Variants in SPATA16 observed in about 807,000 individuals in gnomAD.
SPATA16 encodes spermatogenesis associated 16.
Under a neutral mutation model 63.3 loss-of-function variants are expected in SPATA16, and 36 were observed. That is an observed-to-expected ratio of 0.57 (90% CI 0.44 to 0.75). SPATA16 has a LOEUF of 0.75. Among genes scored for constraint, SPATA16 ranks in the 30% least tolerant of loss-of-function variants. SPATA16 has a pLI of 0.00. For missense variants in SPATA16, 646 were observed against 679.3 expected, an observed-to-expected ratio of 0.95 and a Z score of 0.54; for synonymous variants, 203 against 216.7, an observed-to-expected ratio of 0.94 and a Z score of 0.56.
chr3:172,931,898 A>G (rs1732880089), intron 6 of SPATA16, among the ~76,000 whole-genome samples: 1 of 152,216 alleles, frequency 6.6e-6, no homozygotes, highest in South Asian at 2.1e-4. Context: ...TGGAAAAATT[A>G]GTTTTATAGT....
intron 5 of SPATA16, among the ~76,000 whole-genome samples, chr3:172,969,014 T>C (rs1733981587): frequency 6.6e-6 from 1 of 152,214 alleles, no homozygotes; most frequent in Non-Finnish European, 1.5e-5. Context: ...TGTCTTCTAA[T>C]TGAAAAATAT....
intron 3 of SPATA16, among the ~76,000 whole-genome samples, 188 bp from the exon 4 acceptor site, chr3:173,019,763 A>G (rs967704928): frequency 3.3e-5 from 5 of 152,122 alleles, no homozygotes; most frequent in Non-Finnish European, 7.4e-5. Flanking sequence ...TTATTGAAAA[A>G]CTAATTAAGT....
intron 3 of SPATA16, among the ~76,000 whole-genome samples, chr3:173,030,968 G>T (rs536043605): frequency 6.6e-6 from 1 of 152,154 alleles, no homozygotes; most frequent in East Asian, 1.9e-4. Context: ...TGTGAAATAA[G>T]CCAGACACAA....
intron 3 of SPATA16, 46 bp downstream of exon 3, chr3:173,048,903 C>G: frequency 4.3e-6 from 7 of 1,610,948 alleles, no homozygotes; most frequent in Non-Finnish European, 5.1e-6. Flanking sequence ...GTACCCTCCA[C>G]TAGCATGAAC....
At chr3:173,072,105 T>A (rs1462962287) in intron 2 of SPATA16, among the ~76,000 whole-genome samples, 1 of 152,116 alleles carries the variant, frequency 6.6e-6, no homozygotes. Context: ...AGAAAAGACA[T>A]ATGCATTCAC....
intron 3 of SPATA16, among the ~76,000 whole-genome samples, chr3:173,025,050 G>T (rs1163630131): frequency 1.3e-5 from 2 of 150,722 alleles, no homozygotes; most frequent in African/African-American, 4.8e-5. Flanking sequence ...TTTCAAAAGG[G>T]TATTTTTTTC....
At chr3:173,094,148 T>C (rs1737294022) in intron 2 of SPATA16, among the ~76,000 whole-genome samples, 1 of 152,132 alleles carries the variant, frequency 6.6e-6, no homozygotes, top group South Asian at 2.1e-4. Context: ...GCAATCTGGC[T>C]TAATCACTGA....
At chr3:173,078,507 G>A (rs899819182) in intron 2 of SPATA16, among the ~76,000 whole-genome samples, 8 of 152,118 alleles carry the variant, frequency 5.3e-5, no homozygotes, top group Non-Finnish European at 4.4e-5. Context: ...TGAATTGATT[G>A]AACATGCATT....
chr3:173,098,497 A>G (rs111915671), intron 2 of SPATA16, among the ~76,000 whole-genome samples: 3,100 of 152,340 alleles, frequency 0.02, 57 homozygotes, highest in Non-Finnish European at 0.028. Context: ...AAGAACTTAC[A>G]GAGTAAAGCT....
intron 2 of SPATA16, among the ~76,000 whole-genome samples, chr3:173,109,691 T>C (rs1450189578): frequency 6.6e-6 from 1 of 152,170 alleles, no homozygotes; most frequent in Non-Finnish European, 1.5e-5. Flanking sequence ...GAAAAAAATC[T>C]TTTAAAATAT....
chr3:172,905,682 T>G (rs57589457), intron 10 of SPATA16, among the ~76,000 whole-genome samples: 14,811 of 152,170 alleles, frequency 0.097, 823 homozygotes, highest in African/African-American at 0.15. Context: ...ACAATAAGTA[T>G]GATTCATAAG....
At position 172,965,461 on chromosome 3, in the gene SPATA16, G is replaced by A. The variant is rs374160509; in HGVS notation, c.934-8637C>T. On this transcript the variant is annotated intron_variant, in intron 5 of 10. Coordinates refer to ENST00000351008, the MANE Select transcript of SPATA16 (RefSeq NM_031955.6). The stretch of plus-strand genomic sequence containing the variant: ...GAAGCTCGTAGCTCATGACCTTGGT[G>A]GTGTGCAGATCAAGAGAAATGAGTG... Among the ~76,000 whole-genome samples the A allele has an allele frequency of 1.1e-4, 16 of 152,154 alleles. No homozygotes were observed. In the East Asian group the frequency reaches 2.9e-3, roughly 28 times the overall value.
At chr3:172,907,829 C>T (rs1323415892) in intron 10 of SPATA16, among the ~76,000 whole-genome samples, 4 of 152,084 alleles carry the variant, frequency 2.6e-5, no homozygotes, top group Non-Finnish European at 5.9e-5. Context: ...CTGCCCACCT[C>T]GGCCTCCCAA....
rs1429837603 is a variant in SPATA16 at position 173,049,069 on chromosome 3, C to G, written c.638G>C (p.Gly213Ala). 6.2e-7 allele frequency: 1 copy of G among 1,613,536 alleles called. No individual in the cohort carries two copies. The highest frequency in any genetic ancestry group is 8.5e-7 in the Non-Finnish European group (1 of 1,179,688). The change falls in exon 3 of 11, where the codon GGA becomes GCA. Residue 213 changes from glycine (G) to alanine (A), a missense_variant. Gly to Ala is a moderately conservative substitution (Grantham distance 60, BLOSUM62 0). Transcript: ENST00000351008. ...LELCSKGAVL[G>A]EPFDAPAEDI... ...TTCAGCAGGTGCATCAAATGGTTCTCCCAGAACTGCTCCTTTGCTGCAAAG... is the reference window on the plus strand; with the variant it reads ...TTCAGCAGGTGCATCAAATGGTTCTGCCAGAACTGCTCCTTTGCTGCAAAG...
chr3:172,944,605 A>G (rs1733236972), intron 6 of SPATA16, among the ~76,000 whole-genome samples: 1 of 152,254 alleles, frequency 6.6e-6, no homozygotes, highest in Non-Finnish European at 1.5e-5. Context: ...TCTCAGTGGA[A>G]AAATAGATAA....
chr3:172,926,459 CA>C (rs1171918635), intron 6 of SPATA16, among the ~76,000 whole-genome samples: 10 of 152,162 alleles, frequency 6.6e-5, no homozygotes, highest in Non-Finnish European at 1.2e-4. Flanking sequence ...AATAACTTCA[CA>C]AGGTTGGTGC....
chr3:173,124,620 C>T (rs570686637), intron 1 of SPATA16, among the ~76,000 whole-genome samples: 1 of 152,296 alleles, frequency 6.6e-6, no homozygotes, highest in East Asian at 1.9e-4. Flanking sequence ...ACAACAACAA[C>T]AAAAAACTCC....
intron 2 of SPATA16, among the ~76,000 whole-genome samples, chr3:173,107,148 C>T (rs149240576): frequency 6.6e-6 from 1 of 152,204 alleles, no homozygotes; most frequent in East Asian, 1.9e-4. Flanking sequence ...AAAACCAAAG[C>T]CCTGTCATAT....
chr3:172,924,782 G>C (rs1037620238), intron 7 of SPATA16, among the ~76,000 whole-genome samples: 2 of 152,172 alleles, frequency 1.3e-5, no homozygotes, highest in Admixed American at 1.3e-4. Flanking sequence ...GGTTAGAGCT[G>C]CAGGAATAAA....
Sources: gnomAD v4.1 joint callset for allele counts (sites outside exome capture counted in the v4.1 genomes callset) on GRCh38, gnomAD v4.1.1 for gene constraint, MANE v1.5 for transcripts, NCBI Gene and HGNC (gene_info 2026-07-23, HGNC 2026-07-21) for gene names.